The following MACROH2A2 variants were observed in gnomAD, a reference collection of about 807,000 sequenced individuals.
MACROH2A2 encodes core histone macro-H2A.2.
MACROH2A2 carries 6 observed loss-of-function variants against 37.6 expected under a neutral mutation model. The observed-to-expected ratio is 0.16, with a 90% CI of 0.09 to 0.32. The LOEUF is 0.32. Ranked by LOEUF, MACROH2A2 falls within the 10% of genes least tolerant of loss-of-function variation. The pLI is 1.00. For synonymous variants in MACROH2A2, 192 were observed against 202.7 expected (o/e 0.95, Z 0.45); for missense variants, 290 against 485.9 (o/e 0.60, Z 3.79).
At chr10:70,088,874 C>A (rs1442516602) in intron 2 of MACROH2A2, among the ~76,000 whole-genome samples, 2 of 152,164 alleles carry the variant, frequency 1.3e-5, no homozygotes, top group Non-Finnish European at 2.9e-5. Context: ...GAGGCCCAGG[C>A]GGGTGGATCA....
rs1554822094 is a variant in MACROH2A2 at position 70,079,563 on chromosome 10, G to GCGCGCGCGCA, written c.172+3736_172+3737insGCGCGCACGC. Reference sequence around the variant, plus strand: ...CCACGTTGAGGGTTCGCGCGCGCGCGCGCACACACACACACACACACACAC... The same window carrying GCGCGCGCGCA: ...CCACGTTGAGGGTTCGCGCGCGCGCGCGCGCGCGCACGCACACACACACACACACACACAC... On this transcript the variant is annotated intron_variant, in intron 2 of 8. Coordinates refer to ENST00000373255, the MANE Select transcript of MACROH2A2 (RefSeq NM_018649.3). Among the ~76,000 whole-genome samples the GCGCGCGCGCA allele has an allele frequency of 3.9e-3, 248 of 63,206 alleles. 1 individual carries two copies. The highest frequency in any genetic ancestry group is 0.014 in the South Asian group (26 of 1,912). The allele number at this position is 63,206 out of a possible 152,430, so 41.5% of individuals were successfully genotyped here. A position where few individuals can be genotyped will look rare whatever the true frequency, so the allele number is the denominator to read the frequency against.
chr10:70,054,891 T>C (rs1243847556), intron 1 of MACROH2A2, among the ~76,000 whole-genome samples: 2 of 152,246 alleles, frequency 1.3e-5, no homozygotes, highest in African/African-American at 2.4e-5. Flanking sequence ...TCTCTGGTTT[T>C]TCCTATCCTA....
chr10:70,112,033 A>T lies in MACROH2A2; in HGVS notation c.*350A>T. 6.2e-6 allele frequency: 1 copy of T among 160,394 alleles called. No individual in the cohort carries two copies. The highest frequency in any genetic ancestry group is 1.4e-5 in the Non-Finnish European group (1 of 73,618). 9.9% of individuals were successfully genotyped at this position (160,394 alleles called of 1,614,324 possible). Reference sequence around the variant, plus strand: ...AAATCTTCTGTTCCTCCTTTTTCCAAGGGAAGAGGGCAAAAAGTGGCCTGG... The same window carrying T: ...AAATCTTCTGTTCCTCCTTTTTCCATGGGAAGAGGGCAAAAAGTGGCCTGG... On this transcript the variant is annotated 3_prime_UTR_variant, in exon 9 of 9. Coordinates refer to ENST00000373255, the MANE Select transcript of MACROH2A2 (RefSeq NM_018649.3).
Position 70,075,320 on chromosome 10 carries a change from C to T in MACROH2A2, c.-59-280C>T, listed in dbSNP as rs1421159553. Among the ~76,000 whole-genome samples, 1 of 152,154 alleles carries T rather than the reference C, an allele frequency of 6.6e-6. No individual in the cohort carries two copies. Among genetic ancestry groups the T allele is most frequent in the Non-Finnish European group, 1.5e-5 (1 of 68,024 alleles). The stretch of plus-strand genomic sequence containing the variant: ...CTTTGGGGATCATTGTTCAGCTGAC[C>T]ACAGGACCGAGACCTCCCTATTCAG... On this transcript the variant is annotated intron_variant, in intron 1 of 8. Coordinates refer to ENST00000373255, the MANE Select transcript of MACROH2A2 (RefSeq NM_018649.3). This position sits in a 1 kb window ranked among gnomAD's most constrained non-coding sequence, Gnocchi z 5.0.
intron 5 of MACROH2A2, among the ~76,000 whole-genome samples, chr10:70,095,177 G>A (rs543552911): frequency 6.6e-6 from 1 of 152,238 alleles, no homozygotes; most frequent in East Asian, 1.9e-4. Context: ...GATCATCCTG[G>A]CTAACACGAT....
At chr10:70,092,449 AAAAG>A (rs933743392) in intron 4 of MACROH2A2, among the ~76,000 whole-genome samples, 4 of 152,214 alleles carry the variant, frequency 2.6e-5, no homozygotes, top group African/African-American at 7.2e-5. Context: ...AAACAAAAAA[AAAAG>A]AAAGTGGTTT....
At chr10:70,090,225 G>T in intron 3 of MACROH2A2, 59 bp downstream of exon 3, 1 of 1,112,192 alleles carries the variant, frequency 9.0e-7, no homozygotes, top group South Asian at 1.2e-5. Context: ...GCTAATGTGT[G>T]GGCCTGGCTG....
rs529186241 is a variant in MACROH2A2 at position 70,082,215 on chromosome 10, T to G, written c.172+6385T>G. On this transcript the variant is annotated intron_variant, in intron 2 of 8. Coordinates refer to ENST00000373255, the MANE Select transcript of MACROH2A2 (RefSeq NM_018649.3). The stretch of plus-strand genomic sequence containing the variant: ...CGGGCGGATCACCTGAGATCGGGAG[T>G]TCGAGACCAGCCTGACCAACATGGA... 2.6e-4 allele frequency among the ~76,000 whole-genome samples: 39 copies of G among 151,074 alleles called. No homozygotes were observed. The South Asian group carries it at 6.9e-3, about 27-fold the overall frequency.
At chr10:70,071,377 G>A (rs186614237) in intron 1 of MACROH2A2, among the ~76,000 whole-genome samples, 90 of 152,076 alleles carry the variant, frequency 5.9e-4, no homozygotes, top group Non-Finnish European at 9.7e-4. Flanking sequence ...CTTTAGAACC[G>A]ACTGCTTAAA....
At chr10:70,064,063 T>C (rs912307980) in intron 1 of MACROH2A2, among the ~76,000 whole-genome samples, 1 of 152,220 alleles carries the variant, frequency 6.6e-6, no homozygotes, top group Non-Finnish European at 1.5e-5. Context: ...AGTTCTTCTC[T>C]AAAGCAATCA....
rs2072134955 is a variant in MACROH2A2 at position 70,075,620 on chromosome 10, G to T, written c.-39G>T. On this transcript the variant is annotated 5_prime_UTR_variant, in exon 2 of 9. Transcript: ENST00000373255. The surrounding 1 kb of genome is among the most constrained non-coding windows in gnomAD (Gnocchi z 5.0). ...TTTAGCATTGTGTTAGTGCCGGGAGGCCACTGTGTCAGCAAGCTGAGAGGG... is the reference window on the plus strand; with the variant it reads ...TTTAGCATTGTGTTAGTGCCGGGAGTCCACTGTGTCAGCAAGCTGAGAGGG... The T allele has an allele frequency of 6.2e-7, 1 of 1,602,592 alleles. No homozygotes were observed. The highest frequency in any genetic ancestry group is 8.5e-7 in the Non-Finnish European group (1 of 1,170,178).
rs955414089 is a variant in MACROH2A2 at position 70,053,800 on chromosome 10, G to C, written c.-60+800G>C. On this transcript the variant is annotated intron_variant, in intron 1 of 8. Transcript: ENST00000373255. The surrounding 1 kb of genome is among the most constrained non-coding windows in gnomAD (Gnocchi z 4.8). ...GGCCCGGCCGTGGCTCGCCTGGGCA[G>C]TCTGGCTCCCGCTTTGCGCGGGAAA... Among the ~76,000 whole-genome samples the C allele has an allele frequency of 6.6e-6, 1 of 152,068 alleles. No individual in the cohort carries two copies. Among genetic ancestry groups the C allele is most frequent in the Non-Finnish European group, 1.5e-5 (1 of 67,988 alleles).
chr10:70,065,367 G>A (rs1026468682), intron 1 of MACROH2A2, among the ~76,000 whole-genome samples: 36 of 152,058 alleles, frequency 2.4e-4, no homozygotes, highest in Admixed American at 1.8e-3. Context: ...GTAAGCCACC[G>A]CGCCCGGCCT....
intron 1 of MACROH2A2, among the ~76,000 whole-genome samples, chr10:70,065,984 C>G (rs2072076887): frequency 6.6e-6 from 1 of 152,112 alleles, no homozygotes; most frequent in Non-Finnish European, 1.5e-5. Flanking sequence ...AAAGATCGTT[C>G]AAGTAAGATA....
intron 6 of MACROH2A2, among the ~76,000 whole-genome samples, chr10:70,096,117 A>C (rs1277014835): frequency 6.6e-6 from 1 of 152,104 alleles, no homozygotes; most frequent in Non-Finnish European, 1.5e-5. Flanking sequence ...AAGGGTAACC[A>C]CTGTCCTTTC....
At chr10:70,054,948 ATTATT>A (rs1038540537) in intron 1 of MACROH2A2, among the ~76,000 whole-genome samples, 8 of 152,144 alleles carry the variant, frequency 5.3e-5, no homozygotes, top group Admixed American at 2.0e-4. Context: ...GACTTTACAC[ATTATT>A]AGTGGTTTCC....
intron 1 of MACROH2A2, among the ~76,000 whole-genome samples, chr10:70,061,438 G>T (rs569916928): frequency 3.4e-4 from 51 of 152,216 alleles, no homozygotes; most frequent in Non-Finnish European, 7.1e-4. Flanking sequence ...AATAGCATAA[G>T]GCCAATAATA....
At chr10:70,071,591 C>T (rs763356388) in intron 1 of MACROH2A2, among the ~76,000 whole-genome samples, 2 of 152,132 alleles carry the variant, frequency 1.3e-5, no homozygotes, top group Admixed American at 6.5e-5. Context: ...AGAAATGCAT[C>T]GTTAGGTGAT....
chr10:70,101,408 G>A (rs1420457810), intron 7 of MACROH2A2, among the ~76,000 whole-genome samples: 2 of 152,202 alleles, frequency 1.3e-5, no homozygotes, highest in East Asian at 1.9e-4. Flanking sequence ...TCAGAGCCAC[G>A]AGCCCTGGAT....
Sources: gnomAD v4.1 joint callset for allele counts (sites outside exome capture counted in the v4.1 genomes callset) on GRCh38, gnomAD v4.1.1 for gene constraint, Gnocchi (gnomAD v3.1) non-coding constraint, MANE v1.5 for transcripts, NCBI Gene and HGNC (gene_info 2026-07-23, HGNC 2026-07-21) for gene names.